Variants in ST6GALNAC3 observed in about 807,000 individuals in gnomAD.
ST6GALNAC3 encodes the protein ST6 N-acetylgalactosaminide alpha-2,6-sialyltransferase 3, also known as alpha-N-acetylgalactosaminide alpha-2,6-sialyltransferase 3.
ST6GALNAC3 carries 25 observed loss-of-function variants against 32.7 expected under a neutral mutation model. The ratio of observed to expected loss-of-function variants is 0.76; its 90% confidence interval spans 0.56 to 1.07. The LOEUF (loss-of-function observed/expected upper bound fraction) is 1.07. Among genes scored for constraint, ST6GALNAC3 ranks in the 50% least tolerant of loss-of-function variants. ST6GALNAC3 has a pLI of 0.00. For missense variants in ST6GALNAC3, 355 were observed against 382.4 expected (o/e 0.93, Z 0.60); for synonymous variants, 129 against 133.1 (o/e 0.97, Z 0.21).
chr1:76,545,968 T>C (rs918503900), intron 3 of ST6GALNAC3, among the ~76,000 whole-genome samples: 4 of 152,104 alleles, frequency 2.6e-5, no homozygotes, highest in African/African-American at 9.7e-5. Flanking sequence ...AGAAGAAACG[T>C]TTTACAGATG....
At chr1:76,389,005 A>G (rs898295104) in intron 2 of ST6GALNAC3, among the ~76,000 whole-genome samples, 1 of 38,488 alleles carries the variant, frequency 2.6e-5, no homozygotes, top group African/African-American at 6.8e-5. Flanking sequence ...GTTAGTTGGT[A>G]TATTTCCTTT....
At chr1:76,243,534 A>G (rs1159554256) in intron 1 of ST6GALNAC3, among the ~76,000 whole-genome samples, 1 of 152,210 alleles carries the variant, frequency 6.6e-6, no homozygotes, top group African/African-American at 2.4e-5. Context: ...GCCCATGCCT[A>G]TGTCCTGAAT....
intron 3 of ST6GALNAC3, among the ~76,000 whole-genome samples, chr1:76,625,491 A>C (rs1648912440): frequency 6.6e-6 from 1 of 151,948 alleles, no homozygotes; most frequent in African/African-American, 2.4e-5. Context: ...AGAAAAAAAA[A>C]GAATATACAA....
intron 3 of ST6GALNAC3, among the ~76,000 whole-genome samples, chr1:76,546,955 A>G (rs1442218399): frequency 1.3e-5 from 2 of 152,252 alleles, no homozygotes; most frequent in Non-Finnish European, 2.9e-5. Flanking sequence ...GATGCGGATG[A>G]AAGATTAAAA....
chr1:76,511,430 C>A (rs561786280), intron 3 of ST6GALNAC3, among the ~76,000 whole-genome samples: 1 of 152,158 alleles, frequency 6.6e-6, no homozygotes, highest in Admixed American at 6.5e-5. Flanking sequence ...TACCTTCCCC[C>A]ACTCACTAAC....
chr1:76,232,715 A>C (rs1216624218), intron 1 of ST6GALNAC3, among the ~76,000 whole-genome samples: 1 of 152,228 alleles, frequency 6.6e-6, no homozygotes, highest in Non-Finnish European at 1.5e-5. Context: ...TTTCTCCTCC[A>C]TCAGGGTAAC....
At chr1:76,441,039 G>A (rs539388950) in intron 3 of ST6GALNAC3, among the ~76,000 whole-genome samples, 11 of 134,962 alleles carry the variant, frequency 8.2e-5, no homozygotes, top group African/African-American at 3.0e-4. Context: ...GGTGAGCTGA[G>A]ATCATGCCAC....
intron 1 of ST6GALNAC3, among the ~76,000 whole-genome samples, chr1:76,130,651 A>G (rs1381577098): frequency 6.6e-6 from 1 of 152,088 alleles, no homozygotes. Flanking sequence ...TTTATTAGTG[A>G]GATTGGTGAG....
chr1:76,411,192 G>A (rs965015859), intron 2 of ST6GALNAC3, among the ~76,000 whole-genome samples: 6 of 152,118 alleles, frequency 3.9e-5, no homozygotes, highest in African/African-American at 1.4e-4. Context: ...AAAGGGCAGT[G>A]GGCTTAGAGT....
At chr1:76,311,409 T>C (rs1646760838) in intron 1 of ST6GALNAC3, among the ~76,000 whole-genome samples, 1 of 152,166 alleles carries the variant, frequency 6.6e-6, no homozygotes, top group African/African-American at 2.4e-5. Context: ...AAGGTATTTG[T>C]CCTAATGCTC....
intron 1 of ST6GALNAC3, among the ~76,000 whole-genome samples, chr1:76,096,918 C>CT (rs545909921): frequency 0.013 from 1,749 of 130,612 alleles, 24 homozygotes; most frequent in East Asian, 0.037. Context: ...AGTCATAGAG[C>CT]TTTTTTTTTT....
intron 1 of ST6GALNAC3, among the ~76,000 whole-genome samples, chr1:76,182,455 A>G (rs1302693139): frequency 6.6e-6 from 1 of 152,182 alleles, no homozygotes; most frequent in Non-Finnish European, 1.5e-5. Context: ...TTTCATAAGA[A>G]TGACTTCATA....
intron 1 of ST6GALNAC3, among the ~76,000 whole-genome samples, chr1:76,135,494 G>T (rs1056988065): frequency 2.0e-5 from 3 of 152,174 alleles, no homozygotes; most frequent in African/African-American, 7.2e-5. Flanking sequence ...CTATTTTGCA[G>T]TTGAGGAAAC....
chr1:76,517,098 A>G (rs1662219662), intron 3 of ST6GALNAC3, among the ~76,000 whole-genome samples: 1 of 151,880 alleles, frequency 6.6e-6, no homozygotes, highest in African/African-American at 2.4e-5. Flanking sequence ...ATTGTTCCAT[A>G]TAAACCAACA....
intron 1 of ST6GALNAC3, among the ~76,000 whole-genome samples, chr1:76,229,027 G>T (rs1211607718): frequency 6.6e-6 from 1 of 152,080 alleles, no homozygotes; most frequent in Admixed American, 6.6e-5. Context: ...TCATGGGCCC[G>T]CTCTGGTTTC....
intron 1 of ST6GALNAC3, among the ~76,000 whole-genome samples, chr1:76,155,744 T>C (rs1182230021): frequency 6.6e-6 from 1 of 152,168 alleles, no homozygotes; most frequent in Non-Finnish European, 1.5e-5. Context: ...CCCAAAGTGC[T>C]GGGATTACAG....
chr1:76,439,068 A>G (rs1190536412), intron 3 of ST6GALNAC3, among the ~76,000 whole-genome samples: 12 of 152,150 alleles, frequency 7.9e-5, no homozygotes, highest in Non-Finnish European at 1.2e-4. Flanking sequence ...TAAGGACTCA[A>G]TTGTTCATTG....
chr1:76,533,042 GC>G, intron 3 of ST6GALNAC3, among the ~76,000 whole-genome samples: 2 of 152,224 alleles, frequency 1.3e-5, no homozygotes, highest in Admixed American at 1.3e-4. Context: ...TTTCCACTGG[GC>G]ATAATAACTT....
intron 2 of ST6GALNAC3, among the ~76,000 whole-genome samples, chr1:76,402,541 T>A (rs1653505445): frequency 6.6e-6 from 1 of 152,182 alleles, no homozygotes; most frequent in Admixed American, 6.6e-5. Flanking sequence ...CTTGCCTCTG[T>A]GTTCCAGAAT....
Sources: allele counts gnomAD v4.1 joint callset (sites outside exome capture counted in the v4.1 genomes callset), GRCh38; gene constraint gnomAD v4.1.1; transcripts MANE v1.5; gene names NCBI Gene and HGNC (gene_info 2026-07-23, HGNC 2026-07-21).